CLPP: variants seen among roughly 807,000 people sequenced by gnomAD.
CLPP encodes the protein caseinolytic mitochondrial matrix peptidase proteolytic subunit.
In CLPP, 14 loss-of-function variants were observed where a neutral mutation model predicts 27.4. That is an observed-to-expected ratio of 0.51 (90% CI 0.34 to 0.80). CLPP has a LOEUF of 0.80. Among genes scored for constraint, CLPP ranks in the 30% least tolerant of loss-of-function variants. CLPP has a pLI of 0.02. For synonymous variants in CLPP, 193 were observed against 166.6 expected (o/e 1.16, Z -1.22); for missense variants, 361 against 403.6 (o/e 0.89, Z 0.90).
In CLPP at chr19:6,369,237, A is replaced by G. The variant is rs2091876449; in HGVS notation, c.*527A>G. Among the ~76,000 whole-genome samples the G allele has an allele frequency of 6.6e-6, 1 of 152,122 alleles. No individual in the cohort carries two copies. The highest frequency in any genetic ancestry group is 1.5e-5 in the Non-Finnish European group (1 of 68,004). ...GGAGATCGAGAACATCCTGGCTAAC[A>G]TGGTGAAACCCCATTTCTACTAAAA... On this transcript the variant is annotated 3_prime_UTR_variant, in exon 6 of 6. Coordinates refer to ENST00000245816, the MANE Select transcript of CLPP (RefSeq NM_006012.4).
At position 6,361,680 on chromosome 19, in the gene CLPP, C is replaced by T; in HGVS notation, c.106C>T (p.Arg36Trp). ...AHFPAQRPPQ[R>W]TLQNGLALQR... ...CTTTCCAGCGCAGCGGCCGCCGCAGCGGACACTCCAGAACGGCCTGGCCCT... is the reference window on the plus strand; with the variant it reads ...CTTTCCAGCGCAGCGGCCGCCGCAGTGGACACTCCAGAACGGCCTGGCCCT... The change falls in exon 1 of 6, where the codon CGG (arginine) becomes TGG (tryptophan). Residue 36 changes from arginine (R) to tryptophan (W), a missense_variant. Arg to Trp is a moderately radical substitution (Grantham distance 101). Transcript: ENST00000245816. The T allele has an allele frequency of 6.9e-7, 1 of 1,444,470 alleles. No individual in the cohort carries two copies. The highest frequency in any genetic ancestry group is 1.4e-5 in the South Asian group (1 of 70,960). The allele number at this position is 1,444,470 out of a possible 1,614,324, so 89.5% of individuals were successfully genotyped here. A position where few individuals can be genotyped will look rare whatever the true frequency, so the allele number is the denominator to read the frequency against.
intron 3 of CLPP, among the ~76,000 whole-genome samples, chr19:6,363,125 A>ATTTTTTTTTTTTTT (rs1555719472): frequency 7.3e-6 from 1 of 136,526 alleles, no homozygotes. Context: ...TGATGGAGGC[A>ATTTTTTTTTTTTTT]TTTTTTTTTT....
chr19:6,368,494 T>C (rs748205449), intron 5 of CLPP, 44 bp from the exon 6 acceptor site: 13 of 1,609,276 alleles, frequency 8.1e-6, no homozygotes, highest in Non-Finnish European at 1.0e-5. Context: ...GCCCTGGGTC[T>C]CTGCTCTTAC....
At chr19:6,364,729 ATGT>A (rs778083288) in intron 4 of CLPP, 90 bp downstream of exon 4, 312 of 944,312 alleles carry the variant, frequency 3.3e-4, no homozygotes, top group Non-Finnish European at 4.1e-4. Context: ...GTGGGAGGGG[ATGT>A]TTTTTTTTTT....
In CLPP at chr19:6,369,596, T is replaced by C. The variant is rs1238075382; in HGVS notation, c.*886T>C. ...GAGGGCACAGCCAGTGCAAAGGCCCTGTGACAGGACTGTACCTGGCATGTG... is the reference window on the plus strand; with the variant it reads ...GAGGGCACAGCCAGTGCAAAGGCCCCGTGACAGGACTGTACCTGGCATGTG... On this transcript the variant is annotated 3_prime_UTR_variant, in exon 6 of 6. Transcript: ENST00000245816. Among the ~76,000 whole-genome samples, 1 of 152,132 alleles carries C rather than the reference T, an allele frequency of 6.6e-6. No individual in the cohort carries two copies. Among genetic ancestry groups the C allele is most frequent in the Non-Finnish European group, 1.5e-5 (1 of 68,022 alleles).
intron 3 of CLPP, among the ~76,000 whole-genome samples, chr19:6,363,728 T>C (rs1396713349): frequency 2.0e-5 from 3 of 151,444 alleles, no homozygotes; most frequent in Non-Finnish European, 4.4e-5. Context: ...TGAAATCCCA[T>C]CTCTACTAAA....
intron 4 of CLPP, 103 bp from the exon 5 acceptor site, chr19:6,366,154 AG>A: frequency 1.5e-6 from 1 of 689,404 alleles, no homozygotes; most frequent in Non-Finnish European, 2.6e-6. Flanking sequence ...TCAAACCGGA[AG>A]CCCAAAGCCC....
rs973722571 is a variant in CLPP, at chr19:6,367,981, T to A, written c.662-557T>A. On this transcript the variant is annotated intron_variant, in intron 5 of 5. Transcript: ENST00000245816. ...CCTGGCCTCAAGTGGTCCACCCACC[T>A]CTGCCTCCCAAAGTGCTGGGATTAC... Among the ~76,000 whole-genome samples the A allele has an allele frequency of 1.1e-4, 16 of 152,290 alleles. 2 individuals carry two copies. Among genetic ancestry groups the A allele is most frequent in the African/African-American group, 1.4e-4 (6 of 41,558 alleles).
chr19:6,367,316 A>G (rs1310838308), intron 5 of CLPP, among the ~76,000 whole-genome samples: 1 of 144,788 alleles, frequency 6.9e-6, no homozygotes, highest in African/African-American at 2.5e-5. Flanking sequence ...CGGAGGTTGT[A>G]GTGAGTCGAG....
chr19:6,362,462 C>T lies in CLPP; in HGVS notation c.287C>T (p.Ala96Val). 1 of 1,613,906 alleles carries T rather than the reference C, an allele frequency of 6.2e-7. No individual in the cohort carries two copies. The highest frequency in any genetic ancestry group is 8.5e-7 in the Non-Finnish European group (1 of 1,179,816). Residue 96 changes from alanine to valine, a missense_variant, in exon 3 of 6, where the codon GCC becomes GTC. Ala to Val is a moderately conservative substitution (Grantham distance 64). Coordinates refer to ENST00000245816, the MANE Select transcript of CLPP (RefSeq NM_006012.4). The stretch of plus-strand genomic sequence containing the variant: ...CACCTGCAGATCGATGACAGCGTTG[C>T]CAGCCTTGTTATCGCACAGCTCCTC... ...CVMGPIDDSV[A>V]SLVIAQLLFL...
At chr19:6,364,403 A>G in intron 3 of CLPP, 49 bp from the exon 4 acceptor site, 1 of 1,542,956 alleles carries the variant, frequency 6.5e-7, no homozygotes, top group South Asian at 1.2e-5. Context: ...GAATAGGGAA[A>G]GGGTCGGGGG....
chr19:6,363,892 C>CAAAAA (rs367560960), intron 3 of CLPP, among the ~76,000 whole-genome samples: 1 of 133,052 alleles, frequency 7.5e-6, no homozygotes, highest in Non-Finnish European at 1.6e-5. Flanking sequence ...GACTCAGTCT[C>CAAAAA]AAAAAAAAAA....
At position 6,368,871 on chromosome 19, in the gene CLPP, C is replaced by G; in HGVS notation, c.*161C>G. The G allele has an allele frequency of 3.2e-6, 2 of 632,592 alleles. No individual in the cohort carries two copies. Among genetic ancestry groups the G allele is most frequent in the Non-Finnish European group, 5.4e-6 (2 of 367,292 alleles). The allele number at this position is 632,592 out of a possible 1,614,324, so 39.2% of individuals were successfully genotyped here. ...TGGACGGGGCATTCCAGCTGAGACA[C>G]TGTGATTTTAAATTAAATCTTTGTG... On this transcript the variant is annotated 3_prime_UTR_variant, in exon 6 of 6. Transcript: ENST00000245816.
rs2091876183 is a variant in CLPP at position 6,369,193 on chromosome 19, C to T, written c.*483C>T. Among the ~76,000 whole-genome samples the T allele has an allele frequency of 6.6e-6, 1 of 152,128 alleles. No individual in the cohort carries two copies. The highest frequency in any genetic ancestry group is 2.1e-4 in the South Asian group (1 of 4,832). The stretch of plus-strand genomic sequence containing the variant: ...ATCCCAGCACTTTGGGAGCCCGAGG[C>T]AGGCGGATCATGAGGTCAGGAGATC... On this transcript the variant is annotated 3_prime_UTR_variant, in exon 6 of 6. Transcript: ENST00000245816.
chr19:6,367,175 G>T (rs1387138866), intron 5 of CLPP, among the ~76,000 whole-genome samples: 1 of 152,016 alleles, frequency 6.6e-6, no homozygotes, highest in Non-Finnish European at 1.5e-5. Flanking sequence ...AGGAGTTCAA[G>T]ACCAGCCTGA....
chr19:6,362,967 G>A (rs2091843560), intron 3 of CLPP, among the ~76,000 whole-genome samples: 1 of 152,038 alleles, frequency 6.6e-6, no homozygotes, highest in Non-Finnish European at 1.5e-5. Flanking sequence ...GCGTGTGCCT[G>A]TAGTCCCAGC....
At chr19:6,367,482 C>A (rs907293363) in intron 5 of CLPP, among the ~76,000 whole-genome samples, 1 of 150,584 alleles carries the variant, frequency 6.6e-6, no homozygotes, top group Non-Finnish European at 1.5e-5. Context: ...TTTATTTAAA[C>A]TATAAAAACA....
Position 6,363,892 on chromosome 19 carries a change from CA to C in CLPP, c.368-547del, listed in dbSNP as rs367560960. Among the ~76,000 whole-genome samples the C allele has an allele frequency of 1.6e-3, 216 of 132,924 alleles. 1 individual carries two copies. The highest frequency in any genetic ancestry group is 3.0e-3 in the African/African-American group (111 of 36,524). The allele number at this position is 132,924 out of a possible 152,430, so 87.2% of individuals were successfully genotyped here. A position where few individuals can be genotyped will look rare whatever the true frequency, so the allele number is the denominator to read the frequency against. On this transcript the variant is annotated intron_variant, in intron 3 of 5. Coordinates refer to ENST00000245816, the MANE Select transcript of CLPP (RefSeq NM_006012.4). ...CCTACGTGACAGTGAGACTCAGTCT[CA>C]AAAAAAAAAAAATAGCTGCTTCTGG...
intron 5 of CLPP, 25 bp from the exon 6 acceptor site, chr19:6,368,513 G>A: frequency 1.2e-6 from 2 of 1,613,776 alleles, no homozygotes; most frequent in Non-Finnish European, 1.7e-6. Context: ...ACCCTAATGT[G>A]TCTCACCTCC....
Sources: gnomAD v4.1 joint callset for allele counts (sites outside exome capture counted in the v4.1 genomes callset) on GRCh38, gnomAD v4.1.1 for gene constraint, MANE v1.5 for transcripts, NCBI Gene and HGNC (gene_info 2026-07-23, HGNC 2026-07-21) for gene names.